The following GSE1 variants were observed in gnomAD, a reference collection of about 807,000 sequenced individuals.
GSE1 encodes the protein Gse1 coiled-coil protein.
GSE1 carries 32 observed loss-of-function variants against 112.6 expected under a neutral mutation model. The ratio of observed to expected loss-of-function variants is 0.28; its 90% CI spans 0.21 to 0.38. The LOEUF (loss-of-function observed/expected upper bound fraction) is 0.38, where lower values mean the gene tolerates loss of function less well. GSE1 is among the 10% of genes least tolerant of loss of function. The probability of loss-of-function intolerance (pLI) is 1.00; values close to 1 mark genes in which losing one functional copy is unlikely to be tolerated. For synonymous variants in GSE1, 1,115 were observed against 735.6 expected (o/e 1.52, Z -8.35); for missense variants, 2,348 against 1,699.2 (o/e 1.38, Z -6.71).
In GSE1 at chr16:85,656,483, G is replaced by GT; in HGVS notation, c.1131dup (p.Glu378Ter). ...CGCGAGCAAGAGAAGGAGCGTGAGC[G>GT]TGAGAAGGAGCGCGAGCGCGAGCTG... is the stretch of plus-strand genomic sequence containing the variant. On this transcript the variant is annotated frameshift_variant, in exon 7 of 16. Transcript: ENST00000253458. LOFTEE classifies it high-confidence loss of function. 1 of 1,542,040 alleles carries GT rather than the reference G, an allele frequency of 6.5e-7. No homozygotes were observed. Among genetic ancestry groups the GT allele is most frequent in the Non-Finnish European group, 8.8e-7 (1 of 1,140,042 alleles).
rs769237775 is a variant in GSE1, at chr16:85,373,275, G to A, written c.2464+15632G>A. On this transcript the variant is annotated intron_variant, in intron 2 of 2. Transcript: ENST00000637419. The surrounding 1 kb of genome is among the most constrained non-coding windows in gnomAD (Gnocchi z 5.1). Reference sequence around the variant, plus strand: ...CCATGCTGGGATCCCCCACTCTCACGCGCTCTCCCTCCACCCCTTTGTCTC... The same window carrying A: ...CCATGCTGGGATCCCCCACTCTCACACGCTCTCCCTCCACCCCTTTGTCTC... Among the ~76,000 whole-genome samples, 3 of 152,222 alleles carry A rather than the reference G, an allele frequency of 2.0e-5. No individual in the cohort carries two copies. The highest frequency in any genetic ancestry group is 1.9e-4 in the East Asian group (1 of 5,196).
At position 85,600,581 on chromosome 16, in the gene GSE1, A is replaced by ACC. The variant is rs567788974; in HGVS notation, c.37+44221_37+44222dup. The stretch of plus-strand genomic sequence containing the variant: ...TTAAAAAACACACACACACACACAC[A>ACC]CCCCAAACACACACACACACACACA... On this transcript the variant is annotated intron_variant, in intron 1 of 2. Transcript: ENST00000635906. Among the ~76,000 whole-genome samples the ACC allele has an allele frequency of 1.3e-3, 188 of 149,956 alleles. 1 individual carries two copies. Among genetic ancestry groups the ACC allele is most frequent in the African/African-American group, 4.2e-3 (167 of 40,040 alleles).
chr16:85,441,131 G>T (rs905112822), intron 2 of GSE1, among the ~76,000 whole-genome samples: 10 of 152,194 alleles, frequency 6.6e-5, no homozygotes, highest in African/African-American at 1.4e-4. Flanking sequence ...GGGATAGGCT[G>T]GGGTTTCTCA....
At chr16:85,547,213 T>C (rs1334290942) in intron 2 of GSE1, among the ~76,000 whole-genome samples, 2 of 152,220 alleles carry the variant, frequency 1.3e-5, no homozygotes, top group East Asian at 3.8e-4. Context: ...CAGAGGGCAT[T>C]TGATAGAAGT....
intron 1 of GSE1, among the ~76,000 whole-genome samples, chr16:85,564,448 G>A (rs112875922): frequency 8.1e-4 from 124 of 152,326 alleles, no homozygotes; most frequent in Admixed American, 1.0e-3. Flanking sequence ...GTGCTGAGAG[G>A]TGTGTGTAGA....
intron 2 of GSE1, among the ~76,000 whole-genome samples, chr16:85,375,435 C>T (rs1183539399): frequency 6.6e-6 from 1 of 152,186 alleles, no homozygotes; most frequent in African/African-American, 2.4e-5. Flanking sequence ...AGGTGGGACC[C>T]AGTCCAGCCC....
At chr16:85,657,755 C>A in intron 8 of GSE1, 151 bp downstream of exon 8, 3 of 592,480 alleles carry the variant, frequency 5.1e-6, no homozygotes, top group Non-Finnish European at 8.5e-6. Flanking sequence ...GTTATAATGC[C>A]TGTCTTGCCT....
At chr16:85,615,708 A>C (rs1190837102) in intron 1 of GSE1, among the ~76,000 whole-genome samples, 2 of 152,182 alleles carry the variant, frequency 1.3e-5, no homozygotes, top group African/African-American at 4.8e-5. Context: ...GCTGTTTGGG[A>C]CAGTTTTTAG....
chr16:85,556,835 G>T (rs1054896402), intron 1 of GSE1, among the ~76,000 whole-genome samples: 1 of 143,622 alleles, frequency 7.0e-6, no homozygotes, highest in Non-Finnish European at 1.5e-5. Context: ...GTGGCTCGCC[G>T]GCCCCCCCGC....
intron 2 of GSE1, among the ~76,000 whole-genome samples, chr16:85,376,578 C>T (rs781443596): frequency 6.6e-6 from 1 of 152,184 alleles, no homozygotes; most frequent in South Asian, 2.1e-4. Context: ...TGGCTGGAGA[C>T]ACAGGAACAC....
intron 2 of GSE1, among the ~76,000 whole-genome samples, chr16:85,399,721 C>T (rs543214469): frequency 2.6e-5 from 4 of 152,344 alleles, no homozygotes; most frequent in Admixed American, 1.3e-4. Context: ...GTGAAACGGG[C>T]AAGGATACCT....
chr16:85,200,500 A>T (rs2075007706), intron 1 of GSE1, among the ~76,000 whole-genome samples: 1 of 152,052 alleles, frequency 6.6e-6, no homozygotes, highest in African/African-American at 2.4e-5. Flanking sequence ...GCAGAGCCTG[A>T]ACCCAGGGCC....
chr16:85,249,847 G>T lies in GSE1; in HGVS notation c.2283+78040G>T, dbSNP rs187708349. Among the ~76,000 whole-genome samples the T allele has an allele frequency of 4.1e-3, 622 of 152,376 alleles. 6 individuals are homozygous for T. The highest frequency in any genetic ancestry group is 0.014 in the Middle Eastern group (4 of 294). ...GGTGGGCAGGGAGATGCCCTCCACA[G>T]CCCATCGCTCCAGTTGTCCTCCATG... is the stretch of plus-strand genomic sequence containing the variant. On this transcript the variant is annotated intron_variant, in intron 1 of 2. Transcript: ENST00000637419.
At chr16:85,529,113 G>T (rs1013903971) in intron 2 of GSE1, among the ~76,000 whole-genome samples, 1 of 152,160 alleles carries the variant, frequency 6.6e-6, no homozygotes, top group African/African-American at 2.4e-5. Context: ...GCCTGCAGTT[G>T]TCCAGGGGGG....
At chr16:85,458,644 C>T (rs1425814797) in intron 2 of GSE1, among the ~76,000 whole-genome samples, 1 of 152,202 alleles carries the variant, frequency 6.6e-6, no homozygotes, top group Non-Finnish European at 1.5e-5. Context: ...GCAGCAGTTC[C>T]CAAAGTGGGG....
chr16:85,644,658 C>T (rs1239410875), intron 2 of GSE1, among the ~76,000 whole-genome samples: 12 of 152,126 alleles, frequency 7.9e-5, no homozygotes, highest in Admixed American at 5.2e-4. Context: ...CCTGGGGAGA[C>T]GGGAGTGGTT....
intron 2 of GSE1, chr16:85,463,251 C>T: frequency 3.6e-6 from 1 of 275,676 alleles, no homozygotes; most frequent in Non-Finnish European, 5.5e-6. Context: ...CCCTCCAGCC[C>T]CATCACCTTC....
chr16:85,672,275 G>T (rs779972939), intron 15 of GSE1, 130 bp from the exon 16 acceptor site: 1 of 693,828 alleles, frequency 1.4e-6, no homozygotes, highest in Non-Finnish European at 2.5e-6. Flanking sequence ...GATTACAGGC[G>T]TGAGCCACCA....
At position 85,377,990 on chromosome 16, in the gene GSE1, C is replaced by T. The variant is rs543278941; in HGVS notation, c.2464+20347C>T. Among the ~76,000 whole-genome samples, 39 of 152,350 alleles carry T rather than the reference C, an allele frequency of 2.6e-4. No individual in the cohort carries two copies. The South Asian group carries it at 5.2e-3, about 20-fold the overall frequency. ...GCCCTGTCTCCAGGAAGGGCTCTAT[C>T]GGCTCCGTCATCTGCACCCCGGGCT... On this transcript the variant is annotated intron_variant, in intron 2 of 2. Transcript: ENST00000637419.
Sources: gnomAD v4.1 joint callset for allele counts (sites outside exome capture counted in the v4.1 genomes callset) on GRCh38, gnomAD v4.1.1 for gene constraint, Gnocchi (gnomAD v3.1) non-coding constraint, MANE v1.5 for transcripts, NCBI Gene and HGNC (gene_info 2026-07-23, HGNC 2026-07-21) for gene names.